The following SYT14 variants were observed in gnomAD, a reference collection of about 807,000 sequenced individuals.
SYT14 encodes synaptotagmin 14, also known as synaptotagmin-14.
In SYT14, 32 loss-of-function variants were observed where a neutral mutation model predicts 74.2. The ratio of observed to expected loss-of-function variants is 0.43; its 90% CI spans 0.33 to 0.58. The LOEUF (loss-of-function observed/expected upper bound fraction) is 0.58. SYT14 is among the 20% of genes least tolerant of loss of function. The pLI is 0.05. For synonymous variants in SYT14, 298 were observed against 337.7 expected, an observed-to-expected ratio of 0.88 and a Z score of 1.29; for missense variants, 791 against 981.8, an observed-to-expected ratio of 0.81 and a Z score of 2.60.
intron 2 of SYT14, among the ~76,000 whole-genome samples, chr1:209,975,919 G>C (rs752118707): frequency 3.0e-4 from 46 of 152,252 alleles, no homozygotes; most frequent in Non-Finnish European, 5.6e-4. Flanking sequence ...ACTTTTTGCT[G>C]ATTTAGTCTT....
Position 209,946,941 on chromosome 1 carries a change from A to G in SYT14, c.-533-5768A>G, listed in dbSNP as rs116278641. Among the ~76,000 whole-genome samples the G allele has an allele frequency of 3.6e-3, 544 of 152,328 alleles. 5 individuals carry two copies. Among genetic ancestry groups the G allele is most frequent in the African/African-American group, 0.013 (530 of 41,576 alleles). ...TCTGAAAATCCTTGGGTTCTTAAGG[A>G]TGCTAAATGTGCTCTGTGTGTGCTC... On this transcript the variant is annotated intron_variant, in intron 1 of 9. Coordinates refer to ENST00000637265, the Ensembl canonical transcript of SYT14.
At chr1:209,950,213 G>A (rs184077096) in intron 1 of SYT14, among the ~76,000 whole-genome samples, 52 of 152,216 alleles carry the variant, frequency 3.4e-4, no homozygotes, top group African/African-American at 1.1e-3. Flanking sequence ...ATTAAGTTAC[G>A]TGTGTAACTT....
intron 5 of SYT14, among the ~76,000 whole-genome samples, chr1:210,073,546 C>T (rs1329321050): frequency 3.9e-5 from 6 of 151,990 alleles, no homozygotes; most frequent in Admixed American, 2.6e-4. Flanking sequence ...GATATCACAT[C>T]CCCAATTTAT....
exon 4 of SYT14, chr1:210,016,668 G>C (rs1200650291): frequency 2.4e-6 from 3 of 1,231,720 alleles, no homozygotes; most frequent in Non-Finnish European, 3.0e-6. Flanking sequence ...ACAGATAATT[G>C]TAAAAAGGAG....
At chr1:210,001,938 A>G (rs976028325) in intron 2 of SYT14, among the ~76,000 whole-genome samples, 15 of 152,184 alleles carry the variant, frequency 9.9e-5, no homozygotes, top group Non-Finnish European at 2.9e-5. Context: ...ATCATGCAGG[A>G]AATGAGGAGC....
chr1:209,941,900 C>T lies in SYT14; in HGVS notation c.-534+3623C>T, dbSNP rs150651712. On this transcript the variant is annotated intron_variant, in intron 1 of 9. Transcript: ENST00000637265. ...GCATAATATTTGCATATAACTTATG[C>T]ACATCCTCCCATATACTTTAAATCA... Among the ~76,000 whole-genome samples, 741 of 152,280 alleles carry T rather than the reference C, an allele frequency of 4.9e-3. 4 individuals carry two copies. Among genetic ancestry groups the T allele is most frequent in the African/African-American group, 0.014 (580 of 41,544 alleles).
chr1:210,100,517 C>T, intron 7 of SYT14, 56 bp downstream of exon 6: 1 of 1,540,576 alleles, frequency 6.5e-7, no homozygotes, highest in Non-Finnish European at 8.9e-7. Context: ...TTATAGTATG[C>T]ACAATTTTAA....
intron 5 of SYT14, among the ~76,000 whole-genome samples, chr1:210,061,976 C>G (rs1009599867): frequency 6.6e-6 from 1 of 151,510 alleles, no homozygotes; most frequent in Non-Finnish European, 1.5e-5. Context: ...GTGTAAAGAT[C>G]TATTATACAG....
rs1572407230 is a variant in SYT14, at chr1:210,168,747, G to T, written c.*7705G>T. 5 of 152,300 alleles carry T rather than the reference G, an allele frequency of 3.3e-5. No individual in the cohort carries two copies. In the South Asian group the frequency reaches 1.0e-3, roughly 32 times the overall value. 9.4% of individuals were successfully genotyped at this position (152,300 alleles called of 1,614,324 possible). A position where few individuals can be genotyped will look rare whatever the true frequency, so the allele number is the denominator to read the frequency against. On this transcript the variant is annotated 3_prime_UTR_variant, in exon 10 of 10. Transcript: ENST00000637265. ...TCACTTCACTCGTCAGTTTCTGAGT[G>T]TGCCAACCTCCTTCTGACGGTTTAA...
At chr1:210,078,182 C>T (rs369168455) in intron 5 of SYT14, among the ~76,000 whole-genome samples, 11 of 151,508 alleles carry the variant, frequency 7.3e-5, no homozygotes, top group African/African-American at 1.5e-4. Flanking sequence ...TGGTAGCGGG[C>T]GCCTGTAGTC....
At chr1:210,003,848 AT>A (rs1459404111) in intron 2 of SYT14, among the ~76,000 whole-genome samples, 3 of 152,046 alleles carry the variant, frequency 2.0e-5, no homozygotes, top group East Asian at 1.9e-4. Context: ...TGGTTTTAAT[AT>A]TTTTTCCCAC....
rs536728517 is a variant in SYT14 at position 210,053,521 on chromosome 1, A to G, written c.1312+32267A>G. Among the ~76,000 whole-genome samples, 3 of 152,242 alleles carry G rather than the reference A, an allele frequency of 2.0e-5. No homozygotes were observed. In the East Asian group the frequency reaches 5.8e-4, roughly 29 times the overall value. Reference sequence around the variant, plus strand: ...TTAGGAAGATAACCCTATTAAGTCTATGAAGAATGGATTGGAGCTGGTGGA... The same window carrying G: ...TTAGGAAGATAACCCTATTAAGTCTGTGAAGAATGGATTGGAGCTGGTGGA... On this transcript the variant is annotated intron_variant, in intron 5 of 9. Transcript: ENST00000637265.
At chr1:210,003,721 C>A (rs1211811492) in intron 2 of SYT14, among the ~76,000 whole-genome samples, 5 of 152,136 alleles carry the variant, frequency 3.3e-5, no homozygotes, top group African/African-American at 1.2e-4. Context: ...CAGTCACTTG[C>A]TGGCAATGCT....
chr1:210,103,472 C>A (rs1394733214), intron 7 of SYT14, among the ~76,000 whole-genome samples: 2 of 150,936 alleles, frequency 1.3e-5, no homozygotes, highest in Admixed American at 1.3e-4. Flanking sequence ...ATGGTGTGAA[C>A]CCAGGAGGCG....
chr1:210,162,289 T>C, exon 10 of SYT14: 1 of 441,468 alleles, frequency 2.3e-6, no homozygotes, highest in Admixed American at 2.5e-5. Context: ...ATTTGCAAAA[T>C]TAAGCCTTCG....
intron 2 of SYT14, 84 bp downstream of exon 2, chr1:209,952,840 A>C (rs1481549081): frequency 7.5e-7 from 1 of 1,334,620 alleles, no homozygotes; most frequent in Non-Finnish European, 1.1e-6. Context: ...ATGGCGGATA[A>C]TTTGTATTTA....
chr1:210,000,578 C>A (rs1274448066), intron 2 of SYT14, among the ~76,000 whole-genome samples: 1 of 147,402 alleles, frequency 6.8e-6, no homozygotes, highest in Non-Finnish European at 1.5e-5. Flanking sequence ...TTATTATGTT[C>A]TCCTCCTACT....
intron 5 of SYT14, among the ~76,000 whole-genome samples, chr1:210,068,151 A>T (rs2081330284): frequency 6.6e-6 from 1 of 151,850 alleles, no homozygotes; most frequent in African/African-American, 2.4e-5. Flanking sequence ...TCATTAATTG[A>T]TGTTTAATTT....
At chr1:210,115,440 C>T (rs2082340753) in intron 7 of SYT14, among the ~76,000 whole-genome samples, 1 of 151,316 alleles carries the variant, frequency 6.6e-6, no homozygotes, top group Non-Finnish European at 1.5e-5. Flanking sequence ...GATCAGACAC[C>T]TCTGAAACAT....
Sources: gnomAD v4.1 joint callset for allele counts (sites outside exome capture counted in the v4.1 genomes callset) on GRCh38, gnomAD v4.1.1 for gene constraint, MANE v1.5 for transcripts, NCBI Gene and HGNC (gene_info 2026-07-23, HGNC 2026-07-21) for gene names.